The following BNC2 variants were observed in gnomAD, a reference collection of about 807,000 sequenced individuals.
BNC2 encodes zinc finger protein basonuclin-2.
In BNC2, 20 loss-of-function variants were observed where a neutral mutation model predicts 76.3. The ratio of observed to expected loss-of-function variants is 0.26; its 90% confidence interval spans 0.18 to 0.38. The LOEUF (loss-of-function observed/expected upper bound fraction) is 0.38, where lower values mean the gene tolerates loss of function less well. Ranked by LOEUF, BNC2 falls within the 10% of genes least tolerant of loss-of-function variation. The pLI, the probability that BNC2 is intolerant of heterozygous loss-of-function variation, is 1.00. For missense variants in BNC2, 1,382 were observed against 1,399.8 expected (o/e 0.99, Z 0.20); for synonymous variants, 582 against 514.8 (o/e 1.13, Z -1.77).
intron 1 of BNC2, among the ~76,000 whole-genome samples, chr9:16,756,258 G>A (rs10810610): frequency 6.6e-6 from 1 of 151,564 alleles, no homozygotes; most frequent in Non-Finnish European, 1.5e-5. Context: ...CTCTCTCTTC[G>A]CTGTGGATAA....
intron 6 of BNC2, among the ~76,000 whole-genome samples, chr9:16,428,939 T>C (rs1222335747): frequency 6.6e-6 from 1 of 152,222 alleles, no homozygotes; most frequent in Non-Finnish European, 1.5e-5. Context: ...AAAATTGTCC[T>C]TTCCTAAAAA....
intron 5 of BNC2, among the ~76,000 whole-genome samples, chr9:16,455,403 G>A (rs1385073508): frequency 6.6e-6 from 1 of 152,216 alleles, no homozygotes. Context: ...ATGGAGCTCT[G>A]CTCCTATACC....
intron 1 of BNC2, among the ~76,000 whole-genome samples, chr9:16,845,444 G>T (rs112490849): frequency 6.6e-6 from 1 of 152,142 alleles, no homozygotes; most frequent in Non-Finnish European, 1.5e-5. Context: ...AAAATTGGCC[G>T]GGCGCGGTGG....
In BNC2 at chr9:16,436,957, C is replaced by T. The variant is rs976987970; in HGVS notation, c.1237G>A (p.Asp413Asn). Reference sequence around the variant, plus strand: ...TTTGGGTGTTCAGTTTTGGTTAGATCACTGACTGGGGCAGAATTCTGAATG... The same window carrying T: ...TTTGGGTGTTCAGTTTTGGTTAGATTACTGACTGGGGCAGAATTCTGAATG... ...SPIQNSAPVS[D>N]LTKTEHPKSS... The change falls in exon 6 of 7, where the codon GAT becomes AAT. Residue 413 changes from aspartate to asparagine, a missense_variant. Physicochemically the swap from Asp to Asn is conservative, Grantham distance 23. Transcript: ENST00000380672. 4 of 1,614,134 alleles carry T rather than the reference C, an allele frequency of 2.5e-6. No homozygotes were observed. Among genetic ancestry groups the T allele is most frequent in the Non-Finnish European group, 2.5e-6 (3 of 1,180,034 alleles).
intron 3 of BNC2, among the ~76,000 whole-genome samples, chr9:16,673,099 G>C (rs999409513): frequency 6.6e-6 from 1 of 152,030 alleles, no homozygotes; most frequent in Non-Finnish European, 1.5e-5. Flanking sequence ...GGTGACAGGA[G>C]TGCATTCTCA....
intron 3 of BNC2, among the ~76,000 whole-genome samples, chr9:16,651,045 C>T (rs1821781444): frequency 6.6e-6 from 1 of 152,074 alleles, no homozygotes; most frequent in South Asian, 2.1e-4. Context: ...CCTAAGATGC[C>T]ACCCACTCAT....
chr9:16,817,882 T>C (rs1298665264), intron 1 of BNC2, among the ~76,000 whole-genome samples: 1 of 152,186 alleles, frequency 6.6e-6, no homozygotes, highest in Non-Finnish European at 1.5e-5. Context: ...GGGTCAGGGA[T>C]TGAAAGCAAA....
At chr9:16,598,121 C>T (rs959739801) in intron 3 of BNC2, among the ~76,000 whole-genome samples, 3 of 152,146 alleles carry the variant, frequency 2.0e-5, no homozygotes, top group Non-Finnish European at 2.9e-5. Context: ...ACGTGCTAGA[C>T]ACTTTACATT....
intron 1 of BNC2, among the ~76,000 whole-genome samples, chr9:16,745,945 G>A (rs1041634128): frequency 6.6e-6 from 1 of 152,132 alleles, no homozygotes; most frequent in Non-Finnish European, 1.5e-5. Context: ...TATTGATATT[G>A]TGAATATGAG....
At chr9:16,441,135 T>C (rs572339580) in intron 5 of BNC2, among the ~76,000 whole-genome samples, 5 of 152,226 alleles carry the variant, frequency 3.3e-5, no homozygotes, top group Non-Finnish European at 7.4e-5. Flanking sequence ...GGCAAGACCC[T>C]GTCTACAAAA....
chr9:16,751,698 A>ATATATGTGTGTGTGTG (rs1271866084), intron 1 of BNC2, among the ~76,000 whole-genome samples: 1 of 140,278 alleles, frequency 7.1e-6, no homozygotes, highest in South Asian at 2.3e-4. Context: ...GTGTGTATAT[A>ATATATGTGTGTGTGTG]TATATATATG....
At chr9:16,660,809 C>G (rs972382962) in intron 3 of BNC2, among the ~76,000 whole-genome samples, 4 of 151,674 alleles carry the variant, frequency 2.6e-5, no homozygotes, top group Non-Finnish European at 4.4e-5. Flanking sequence ...TACAGTATAC[C>G]AATTATTTAC....
chr9:16,722,739 A>G (rs1210268068), intron 3 of BNC2, among the ~76,000 whole-genome samples: 1 of 152,164 alleles, frequency 6.6e-6, no homozygotes, highest in Non-Finnish European at 1.5e-5. Flanking sequence ...ACCTGAGAAT[A>G]TGTTTGTGCA....
At chr9:16,746,769 T>A (rs1343869663) in intron 1 of BNC2, among the ~76,000 whole-genome samples, 1 of 151,596 alleles carries the variant, frequency 6.6e-6, no homozygotes, top group Non-Finnish European at 1.5e-5. Flanking sequence ...GAGACCATCC[T>A]GGATTAACAT....
intron 5 of BNC2, among the ~76,000 whole-genome samples, chr9:16,475,036 A>G (rs1821900381): frequency 6.6e-6 from 1 of 152,220 alleles, no homozygotes; most frequent in Admixed American, 6.5e-5. Flanking sequence ...GAAATATTAA[A>G]AGGCTTTTCC....
At chr9:16,860,413 G>C (rs1819368356) in intron 1 of BNC2, among the ~76,000 whole-genome samples, 1 of 152,044 alleles carries the variant, frequency 6.6e-6, no homozygotes, top group Non-Finnish European at 1.5e-5. Context: ...TTTTGACAAG[G>C]GTACCCAGAC....
chr9:16,767,986 G>A (rs1249135852), intron 1 of BNC2, among the ~76,000 whole-genome samples: 2 of 136,622 alleles, frequency 1.5e-5, no homozygotes, highest in Admixed American at 7.5e-5. Context: ...TTTTTTTTTA[G>A]ATGAAGTTTT....
chr9:16,867,059 A>C (rs563125642), intron 1 of BNC2, among the ~76,000 whole-genome samples: 66 of 152,300 alleles, frequency 4.3e-4, no homozygotes, highest in South Asian at 1.2e-3. Flanking sequence ...CTATAGTGAA[A>C]CTTTAATCAG....
intron 1 of BNC2, among the ~76,000 whole-genome samples, chr9:16,827,894 C>T (rs1301723755): frequency 6.6e-6 from 1 of 152,108 alleles, no homozygotes; most frequent in African/African-American, 2.4e-5. Context: ...ATATGATATG[C>T]CCATTCATCC....
Sources: allele counts gnomAD v4.1 joint callset (sites outside exome capture counted in the v4.1 genomes callset), GRCh38; gene constraint gnomAD v4.1.1; transcripts MANE v1.5; gene names NCBI Gene and HGNC (gene_info 2026-07-23, HGNC 2026-07-21).